The following ZNF292 variants were observed in gnomAD, a reference collection of about 807,000 sequenced individuals.
ZNF292 encodes zinc finger protein 292, also known as 16 zinc-finger domain protein.
Under a neutral mutation model 217.9 loss-of-function variants are expected in ZNF292, and 26 were observed. That is an observed-to-expected ratio of 0.12 (90% CI 0.09 to 0.17). The LOEUF (loss-of-function observed/expected upper bound fraction) is 0.17, where lower values mean the gene tolerates loss of function less well. Ranked by LOEUF, ZNF292 falls within the 10% of genes least tolerant of loss-of-function variation. The pLI is 1.00. For synonymous variants in ZNF292, 1,257 were observed against 1,124.1 expected, an observed-to-expected ratio of 1.12 and a Z score of -2.37; for missense variants, 2,904 against 3,175.2, an observed-to-expected ratio of 0.91 and a Z score of 2.05.
chr6:87,255,403 G>C lies in ZNF292; in HGVS notation c.1774G>C (p.Val592Leu). The C allele has an allele frequency of 6.2e-7, 1 of 1,613,778 alleles. No individual in the cohort carries two copies. Among genetic ancestry groups the C allele is most frequent in the Non-Finnish European group, 8.5e-7 (1 of 1,179,832 alleles). Residue 592 changes from valine (V) to leucine (L), a missense_variant, in exon 8 of 8, where the codon GTT becomes CTT. Transcript: ENST00000369577. ...ETFVPHVTLHVKQSSKERLAA... is the reference protein window; with the variant it reads ...ETFVPHVTLHLKQSSKERLAA... ...TTTTGTCCCTCATGTCACACTGCAT[G>C]TTAAACAATCTAGTAAAGAGAGACT...
At chr6:87,212,955 G>A (rs996496531) in intron 1 of ZNF292, among the ~76,000 whole-genome samples, 7 of 152,130 alleles carry the variant, frequency 4.6e-5, no homozygotes, top group African/African-American at 1.7e-4. Flanking sequence ...CTGTGTAGGG[G>A]TCAAAAGAAA....
At chr6:87,209,228 T>G (rs1450075149) in intron 1 of ZNF292, among the ~76,000 whole-genome samples, 1 of 152,060 alleles carries the variant, frequency 6.6e-6, no homozygotes, top group Admixed American at 6.6e-5. Context: ...CTAAAGCCTA[T>G]TTAGGAGTCA....
chr6:87,173,018 T>G (rs946007621), intron 1 of ZNF292, among the ~76,000 whole-genome samples: 1 of 152,154 alleles, frequency 6.6e-6, no homozygotes, highest in Non-Finnish European at 1.5e-5. Flanking sequence ...AATGATGTAA[T>G]ATTGTATTAT....
At position 87,255,569 on chromosome 6, in the gene ZNF292, T is replaced by C. The variant is rs1775164529; in HGVS notation, c.1940T>C (p.Val647Ala). 2 of 1,610,536 alleles carry C rather than the reference T, an allele frequency of 1.2e-6. No individual in the cohort carries two copies. The highest frequency in any genetic ancestry group is 1.7e-6 in the Non-Finnish European group (2 of 1,178,074). Reference sequence around the variant, plus strand: ...AGTCTCTATTCAACAGATTTTATAGTGTTTAATGACAATGATGGTTCAGAT... The same window carrying C: ...AGTCTCTATTCAACAGATTTTATAGCGTTTAATGACAATGATGGTTCAGAT... ...KNSLYSTDFI[V>A]FNDNDGSDDE... The change falls in exon 8 of 8, where the codon GTG becomes GCG. Residue 647 changes from valine (V) to alanine (A), a missense_variant. Val to Ala is a moderately conservative substitution (Grantham distance 64). This residue lies in a region of ZNF292 where 216 missense variants were observed against 308.3 expected (regional missense o/e 0.70). Coordinates refer to ENST00000369577, the MANE Select transcript of ZNF292 (RefSeq NM_015021.3).
At chr6:87,241,052 A>G (rs958777175) in intron 5 of ZNF292, among the ~76,000 whole-genome samples, 1 of 152,194 alleles carries the variant, frequency 6.6e-6, no homozygotes, top group African/African-American at 2.4e-5. Context: ...TGGGAGGCCG[A>G]GGCAGGTGGA....
rs202140355 is a variant in ZNF292, at chr6:87,259,291, G to A, written c.5662G>A (p.Glu1888Lys). The A allele has an allele frequency of 1.9e-6, 3 of 1,613,592 alleles. No homozygotes were observed. The highest frequency in any genetic ancestry group is 2.5e-6 in the Non-Finnish European group (3 of 1,179,686). ...ADITVIQPVS[E>K]MINIQFNDKV... ...TATCACAGTTATTCAGCCAGTTTCT[G>A]AAATGATAAACATTCAATTTAATGA... is the stretch of plus-strand genomic sequence containing the variant. The change falls in exon 8 of 8, where the codon GAA (glutamate) becomes AAA (lysine). Residue 1888 changes from glutamate to lysine, a missense_variant. By Grantham distance (56) the Glu-to-Lys change is moderately conservative. This residue lies in a region of ZNF292 where 622 missense variants were observed against 573.1 expected (regional missense o/e 1.09). Transcript: ENST00000369577.
chr6:87,252,122 CCTTT>C (rs1158434197), intron 7 of ZNF292, among the ~76,000 whole-genome samples: 5 of 151,256 alleles, frequency 3.3e-5, no homozygotes, highest in African/African-American at 1.2e-4. Context: ...TTCTCTGAAT[CCTTT>C]CTGTTTGTTG....
At chr6:87,229,685 C>A (rs1773550982) in intron 4 of ZNF292, among the ~76,000 whole-genome samples, 1 of 152,202 alleles carries the variant, frequency 6.6e-6, no homozygotes, top group African/African-American at 2.4e-5. Context: ...CTTGGCCTCC[C>A]AAAGTGCTGG....
chr6:87,240,174 A>T (rs1774196702), intron 5 of ZNF292, among the ~76,000 whole-genome samples: 1 of 152,076 alleles, frequency 6.6e-6, no homozygotes, highest in African/African-American at 2.4e-5. Context: ...ACACAGCGAA[A>T]CCCCGTCTCC....
intron 7 of ZNF292, among the ~76,000 whole-genome samples, chr6:87,246,149 T>C (rs1466813497): frequency 6.6e-6 from 1 of 152,216 alleles, no homozygotes; most frequent in African/African-American, 2.4e-5. Context: ...TAGAATTGCT[T>C]GAACCTGGGA....
At chr6:87,224,745 A>G (rs989737642) in intron 4 of ZNF292, among the ~76,000 whole-genome samples, 3 of 152,196 alleles carry the variant, frequency 2.0e-5, no homozygotes, top group African/African-American at 7.2e-5. Flanking sequence ...TGGCTAAACA[A>G]ACTGTGGTAC....
chr6:87,210,213 C>T (rs1051921504), intron 1 of ZNF292, among the ~76,000 whole-genome samples: 3 of 152,040 alleles, frequency 2.0e-5, no homozygotes, highest in Non-Finnish European at 2.9e-5. Context: ...TTAAAGTGTG[C>T]ATTTTTGTTC....
chr6:87,188,771 A>AAAAACAGCC (rs1771736566), intron 1 of ZNF292, among the ~76,000 whole-genome samples: 1 of 147,446 alleles, frequency 6.8e-6, no homozygotes, highest in Non-Finnish European at 1.5e-5. Context: ...TTTTTACTTG[A>AAAAACAGCC]AAAACAACAG....
intron 7 of ZNF292, among the ~76,000 whole-genome samples, chr6:87,249,902 G>GT (rs1359043290): frequency 6.6e-6 from 1 of 151,648 alleles, no homozygotes; most frequent in Non-Finnish European, 1.5e-5. Flanking sequence ...TAGAGACAGG[G>GT]TTTTACTATG....
chr6:87,256,646 T>C lies in ZNF292; in HGVS notation c.3017T>C (p.Val1006Ala). The C allele has an allele frequency of 1.2e-6, 2 of 1,613,596 alleles. No homozygotes were observed. Among genetic ancestry groups the C allele is most frequent in the Non-Finnish European group, 1.7e-6 (2 of 1,179,812 alleles). ...NDAHVTQNSL[V>A]NSETLKIGDL... ...GCCCATGTTACTCAGAATTCTTTAG[T>C]AAATTCAGAAACTCTCAAAATAGGT... is the stretch of plus-strand genomic sequence containing the variant. The change falls in exon 8 of 8, where the codon GTA becomes GCA. Residue 1006 changes from valine to alanine, a missense_variant. Physicochemically the swap from Val to Ala is moderately conservative, Grantham distance 64. Coordinates refer to ENST00000369577, the MANE Select transcript of ZNF292 (RefSeq NM_015021.3).
chr6:87,256,801 T>G lies in ZNF292; in HGVS notation c.3172T>G (p.Ser1058Ala). The change falls in exon 8 of 8, where the codon TCC becomes GCC. Residue 1058 changes from serine (S) to alanine (A), a missense_variant. Physicochemically the swap from Ser to Ala is moderately conservative, Grantham distance 99 (BLOSUM62 1). Transcript: ENST00000369577. ...FECGDNVKTS[S>A]NLYNLPLKTL... ...ATGTGGAGATAATGTTAAAACATCA[T>G]CCAATCTTTATAATTTACCTCTTAA... is the stretch of plus-strand genomic sequence containing the variant. 6.2e-7 allele frequency: 1 copy of G among 1,613,390 alleles called. No homozygotes were observed. The highest frequency in any genetic ancestry group is 1.3e-5 in the African/African-American group (1 of 75,052).
chr6:87,256,667 T>C lies in ZNF292; in HGVS notation c.3038T>C (p.Ile1013Thr), dbSNP rs1035701925. The change falls in exon 8 of 8, where the codon ATA (isoleucine) becomes ACA (threonine). Residue 1013 changes from isoleucine (I) to threonine (T), a missense_variant. Ile to Thr is a moderately conservative substitution (Grantham distance 89). Coordinates refer to ENST00000369577, the MANE Select transcript of ZNF292 (RefSeq NM_015021.3). ...TTAGTAAATTCAGAAACTCTCAAAA[T>C]AGGTGACCTTACCCCACAAAACTTA... ...NSLVNSETLK[I>T]GDLTPQNLER... 6.2e-7 allele frequency: 1 copy of C among 1,613,448 alleles called. No homozygotes were observed. The highest frequency in any genetic ancestry group is 1.3e-5 in the African/African-American group (1 of 75,030).
At position 87,257,243 on chromosome 6, in the gene ZNF292, C is replaced by T. The variant is rs377429275; in HGVS notation, c.3614C>T (p.Ser1205Phe). 2.7e-5 allele frequency: 44 copies of T among 1,613,720 alleles called. No individual in the cohort carries two copies. The highest frequency in any genetic ancestry group is 3.7e-5 in the Non-Finnish European group (44 of 1,179,804). Reference sequence around the variant, plus strand: ...GCAAGTGTGTCAACTCCATTGTTGTCCTCAATGGAAAGTGTCATAAATCCA... The same window carrying T: ...GCAAGTGTGTCAACTCCATTGTTGTTCTCAATGGAAAGTGTCATAAATCCA... ...HLASVSTPLL[S>F]SMESVINPNI... is the part of the protein sequence containing the mutation. The change falls in exon 8 of 8, where the codon TCC becomes TTC. Residue 1205 changes from serine (S) to phenylalanine (F), a missense_variant. By Grantham distance (155) the Ser-to-Phe change is radical. This residue lies in a region of ZNF292 where 687 missense variants were observed against 623.0 expected (regional missense o/e 1.10). Coordinates refer to ENST00000369577, the MANE Select transcript of ZNF292 (RefSeq NM_015021.3).
chr6:87,243,245 A>G (rs1455049810), intron 5 of ZNF292, among the ~76,000 whole-genome samples: 1 of 149,562 alleles, frequency 6.7e-6, no homozygotes, highest in Non-Finnish European at 1.5e-5. Flanking sequence ...TTTTCTCAGA[A>G]TTACTATATA....
Sources: allele counts gnomAD v4.1 joint callset (sites outside exome capture counted in the v4.1 genomes callset), GRCh38; gene constraint gnomAD v4.1.1; regional missense constraint gnomAD v4.1.1; transcripts MANE v1.5; gene names NCBI Gene and HGNC (gene_info 2026-07-23, HGNC 2026-07-21).